The following POMZP3 variants were observed in gnomAD, a reference collection of about 807,000 sequenced individuals.
The protein encoded by POMZP3 is POM121 and ZP3 fusion protein.
A neutral mutation model predicts 19.8 loss-of-function variants in POMZP3; 10 were observed. The observed-to-expected ratio is 0.51, with a 90% CI of 0.31 to 0.86. The LOEUF (loss-of-function observed/expected upper bound fraction) is 0.86. Among genes scored for constraint, POMZP3 ranks in the 40% least tolerant of loss-of-function variants. The pLI is 0.04. For synonymous variants in POMZP3, 57 were observed against 85.8 expected, an observed-to-expected ratio of 0.66 and a Z score of 1.85; for missense variants, 152 against 228.1, an observed-to-expected ratio of 0.67 and a Z score of 2.15.
At chr7:76,616,109 CCT>C (rs952282351) in intron 4 of POMZP3, among the ~76,000 whole-genome samples, 2 of 130,934 alleles carry the variant, frequency 1.5e-5, no homozygotes, top group African/African-American at 5.8e-5. Context: ...ATGATGAAAC[CCT>C]GTCTCTACTA....
intron 3 of POMZP3, among the ~76,000 whole-genome samples, chr7:76,624,445 A>G (rs1028900193): frequency 8.7e-6 from 1 of 114,356 alleles, no homozygotes; most frequent in Non-Finnish European, 1.8e-5. Flanking sequence ...TACAAACCAC[A>G]TAAGGAATTT....
Position 76,625,650 on chromosome 7 carries a change from T to A in POMZP3, c.99A>T (p.Ser33=). The A allele has an allele frequency of 6.2e-7, 1 of 1,613,862 alleles. No homozygotes were observed. The highest frequency in any genetic ancestry group is 8.5e-7 in the Non-Finnish European group (1 of 1,179,840). Residue 33 remains serine, a synonymous_variant, in exon 3 of 7, where the codon TCA becomes TCT. Transcript: ENST00000310842. ...PEQIISSTLS[S]PSSNAPDPCA... is the part of the protein sequence containing the mutation. ...ATGGGTCTGGGGCATTACTTGATGG[T>A]GAGGACAGTGTTGAGCTGATTATCT...
intron 3 of POMZP3, among the ~76,000 whole-genome samples, chr7:76,624,588 G>A (rs536606586): frequency 2.4e-4 from 37 of 151,138 alleles, no homozygotes; most frequent in Admixed American, 1.7e-3. Flanking sequence ...TGGGACTACA[G>A]GCACCTACCA....
intron 3 of POMZP3, among the ~76,000 whole-genome samples, chr7:76,618,828 C>A (rs1815391829): frequency 1.3e-5 from 2 of 151,728 alleles, no homozygotes. Context: ...GACAGTGTCT[C>A]CCAGGCTGGA....
chr7:76,611,771 C>G lies in POMZP3; in HGVS notation c.388G>C (p.Asp130His). Residue 130 changes from aspartate to histidine, a missense_variant, in exon 5 of 7, where the codon GAC becomes CAC. Around this residue, in one of 4 missense-constraint regions of POMZP3, gnomAD observed 65 missense variants for 86.2 expected, o/e 0.75. Transcript: ENST00000310842. ...CAGGCCTTGTTGAGTTCATCTGGGT[C>G]CTGCTCAGCTAGGGTGACCTTCAGG... ...CHLKVTLAEQ[D>H]PDELNKACSF... 1 of 1,577,042 alleles carries G rather than the reference C, an allele frequency of 6.3e-7. No homozygotes were observed. The highest frequency in any genetic ancestry group is 2.2e-5 in the East Asian group (1 of 44,778).
rs2116893620 is a variant in POMZP3 at position 76,627,096 on chromosome 7, C to T, written c.-540G>A. On this transcript the variant is annotated 5_prime_UTR_variant, in exon 1 of 7. Coordinates refer to ENST00000310842, the MANE Select transcript of POMZP3 (RefSeq NM_012230.5). ...TCAGTCCCCACCAGGCCGCGGTAGT[C>T]CCCACGGCCAGCCAGGCCAGCGCAG... is the stretch of plus-strand genomic sequence containing the variant. 4 of 1,355,950 alleles carry T rather than the reference C, an allele frequency of 2.9e-6. No homozygotes were observed. Among genetic ancestry groups the T allele is most frequent in the Non-Finnish European group, 3.9e-6 (4 of 1,028,986 alleles). The allele number at this position is 1,355,950 out of a possible 1,614,324, so 84.0% of individuals were successfully genotyped here.
intron 5 of POMZP3, 47 bp downstream of exon 5, chr7:76,611,675 G>A (rs1815113972): frequency 6.5e-7 from 1 of 1,530,290 alleles, no homozygotes; most frequent in African/African-American, 1.5e-5. Context: ...ATAGACAAGG[G>A]GTCGCCGATT....
chr7:76,624,452 A>ATT (rs34901875), intron 3 of POMZP3, among the ~76,000 whole-genome samples: 206 of 147,462 alleles, frequency 1.4e-3, no homozygotes, highest in African/African-American at 3.1e-3. Context: ...CACATAAGGA[A>ATT]TTTTTTTTTT....
Position 76,626,202 on chromosome 7 carries a change from A to C in POMZP3, c.-138T>G. On this transcript the variant is annotated 5_prime_UTR_variant, in exon 2 of 7. Coordinates refer to ENST00000310842, the MANE Select transcript of POMZP3 (RefSeq NM_012230.5). ...GGTGTTATTACAAACCGATCTGGTA[A>C]AGTCCCACGATCCCTGCAGAGAATG... The C allele has an allele frequency of 6.4e-7, 1 of 1,559,544 alleles. No individual in the cohort carries two copies. The highest frequency in any genetic ancestry group is 8.7e-7 in the Non-Finnish European group (1 of 1,150,614).
chr7:76,624,257 T>C (rs1173909841), intron 3 of POMZP3, among the ~76,000 whole-genome samples: 23 of 144,584 alleles, frequency 1.6e-4, no homozygotes, highest in African/African-American at 6.0e-4. Context: ...GGATTATTTA[T>C]AAGATTTTCG....
chr7:76,623,570 G>A (rs1487630646), intron 3 of POMZP3, among the ~76,000 whole-genome samples: 1 of 148,144 alleles, frequency 6.8e-6, no homozygotes, highest in Non-Finnish European at 1.5e-5. Context: ...AGGCTGAGGT[G>A]GGTGGATCAC....
At chr7:76,619,124 C>T (rs547693415) in intron 3 of POMZP3, among the ~76,000 whole-genome samples, 3 of 152,202 alleles carry the variant, frequency 2.0e-5, no homozygotes, top group African/African-American at 4.8e-5. Flanking sequence ...GTCAGCTGGG[C>T]GCAGTGGCTC....
intron 3 of POMZP3, 58 bp from the exon 4 acceptor site, chr7:76,618,358 A>T (rs1336649077): frequency 6.2e-7 from 1 of 1,611,926 alleles, no homozygotes; most frequent in Non-Finnish European, 8.5e-7. Context: ...ACCGTGGCTC[A>T]CGCCCATAAT....
intron 4 of POMZP3, among the ~76,000 whole-genome samples, chr7:76,613,456 C>T (rs1031597812): frequency 7.8e-6 from 1 of 128,534 alleles, no homozygotes; most frequent in African/African-American, 2.7e-5. Context: ...GCTGAAGGAC[C>T]CCCCCCACCC....
At position 76,626,787 on chromosome 7, in the gene POMZP3, G is replaced by T. The variant is rs199981312; in HGVS notation, c.-231C>A. On this transcript the variant is annotated 5_prime_UTR_variant, in exon 1 of 7. Coordinates refer to ENST00000310842, the MANE Select transcript of POMZP3 (RefSeq NM_012230.5). ...AAGTGGTGAACGCGATGGGTCGGCG[G>T]GGAGGGCGGTGTGGAGCGCGGCGCC... The T allele has an allele frequency of 2.9e-4, 398 of 1,373,170 alleles. 9 individuals are homozygous for T. The African/African-American group carries it at 5.8e-3, about 20-fold the overall frequency. 85.1% of individuals were successfully genotyped at this position (1,373,170 alleles called of 1,614,324 possible).
intron 4 of POMZP3, among the ~76,000 whole-genome samples, chr7:76,616,141 G>C (rs771184561): frequency 7.3e-6 from 1 of 136,840 alleles, no homozygotes; most frequent in Non-Finnish European, 1.6e-5. Context: ...AGGATTAGCC[G>C]GGCATGGTGG....
intron 3 of POMZP3, among the ~76,000 whole-genome samples, chr7:76,622,531 A>T (rs544309527): frequency 6.7e-6 from 1 of 150,136 alleles, no homozygotes; most frequent in Non-Finnish European, 1.5e-5. Context: ...GGTATGCTGT[A>T]ATTTTTGTAT....
intron 4 of POMZP3, among the ~76,000 whole-genome samples, chr7:76,616,717 T>G (rs1815305483): frequency 1.0e-5 from 1 of 95,452 alleles, no homozygotes; most frequent in East Asian, 2.7e-4. Flanking sequence ...TAGCCGGGTG[T>G]GGTGGCAGGC....
intron 3 of POMZP3, 114 bp from the exon 4 acceptor site, chr7:76,618,414 G>C (rs1408002691): frequency 3.2e-6 from 3 of 938,266 alleles, no homozygotes; most frequent in Non-Finnish European, 5.0e-6. Flanking sequence ...TTGAGGTCAG[G>C]AGTTCGAGAC....
Sources: allele counts gnomAD v4.1 joint callset (sites outside exome capture counted in the v4.1 genomes callset), GRCh38; gene constraint gnomAD v4.1.1; regional missense constraint gnomAD v4.1.1; transcripts MANE v1.5; gene names NCBI Gene and HGNC (gene_info 2026-07-23, HGNC 2026-07-21).